TINAG: variants seen among roughly 807,000 people sequenced by gnomAD.
TINAG encodes tubulointerstitial nephritis antigen.
In TINAG, 83 loss-of-function variants were observed where a neutral mutation model predicts 72.7. That is an observed-to-expected ratio of 1.14 (90% confidence interval 0.96 to 1.37). The LOEUF is 1.37. Among genes scored for constraint, TINAG ranks in the 40% most tolerant of loss-of-function variants. The probability of loss-of-function intolerance (pLI) is 0.00; values close to 1 mark genes in which losing one functional copy is unlikely to be tolerated. For missense variants in TINAG, 685 were observed against 576.6 expected (o/e 1.19, Z -1.93); for synonymous variants, 234 against 189.9 (o/e 1.23, Z -1.91).
chr6:54,347,336 T>A lies in TINAG; in HGVS notation c.749-31T>A, dbSNP rs745929189. 7 of 1,609,010 alleles carry A rather than the reference T, an allele frequency of 4.4e-6. No homozygotes were observed. The South Asian group carries it at 7.7e-5, about 18-fold the overall frequency. On this transcript the variant is annotated intron_variant, in intron 5 of 10. Transcript: ENST00000259782. The stretch of plus-strand genomic sequence containing the variant: ...CTTATTAGAAATACCGTGTATCATT[T>A]CAATATTAATTGATATTCTATTTGA...
In TINAG at chr6:54,351,406, G is replaced by A. The variant is rs767377037; in HGVS notation, c.1126+9G>A. The A allele has an allele frequency of 3.1e-6, 5 of 1,609,086 alleles. No homozygotes were observed. Among genetic ancestry groups the A allele is most frequent in the Non-Finnish European group, 4.2e-6 (5 of 1,177,082 alleles). On this transcript the variant is annotated intron_variant, in intron 8 of 10. Transcript: ENST00000259782. ...AAATGGACCAGTTCAAGGTAAGCTT[G>A]AATGAAATACGGTTTTTTCTTACTC... is the stretch of plus-strand genomic sequence containing the variant.
intron 9 of TINAG, among the ~76,000 whole-genome samples, chr6:54,375,067 A>G (rs573797017): frequency 3.3e-5 from 5 of 152,116 alleles, no homozygotes; most frequent in Non-Finnish European, 7.4e-5. Flanking sequence ...TGATTCTGCT[A>G]CAGTGTAATA....
intron 5 of TINAG, 69 bp downstream of exon 5, chr6:54,343,418 T>C: frequency 1.5e-6 from 2 of 1,308,592 alleles, no homozygotes; most frequent in Non-Finnish European, 2.0e-6. Flanking sequence ...AGAGAATAAT[T>C]GAACAATTTT....
At chr6:54,365,640 A>C (rs1763384908) in intron 9 of TINAG, 1 of 151,602 alleles carries the variant, frequency 6.6e-6, no homozygotes, top group Non-Finnish European at 1.5e-5. Context: ...CAATGGCTCC[A>C]CCCAAATGCA....
intron 8 of TINAG, among the ~76,000 whole-genome samples, chr6:54,353,008 T>A (rs558001326): frequency 6.6e-6 from 1 of 151,936 alleles, no homozygotes; most frequent in South Asian, 2.1e-4. Flanking sequence ...ACCAAACATC[T>A]CATCCGTGTT....
intron 8 of TINAG, among the ~76,000 whole-genome samples, chr6:54,352,080 T>C (rs530733814): frequency 1.4e-4 from 21 of 151,986 alleles, no homozygotes; most frequent in African/African-American, 5.1e-4. Context: ...CAGAATGTAT[T>C]CCCTGTATAA....
chr6:54,354,540 T>C lies in TINAG; in HGVS notation c.1154T>C (p.Phe385Ser). The C allele has an allele frequency of 6.2e-7, 1 of 1,607,030 alleles. No homozygotes were observed. The highest frequency in any genetic ancestry group is 1.1e-5 in the South Asian group (1 of 90,036). The change falls in exon 9 of 11, where the codon TTC becomes TCC. Residue 385 changes from phenylalanine (F) to serine (S), a missense_variant. By Grantham distance (155) the Phe-to-Ser change is radical. Coordinates refer to ENST00000259782, the MANE Select transcript of TINAG (RefSeq NM_014464.4). The stretch of plus-strand genomic sequence containing the variant: ...ATAATGCAAGTCCGTGAAGATTTCT[T>C]CCATTATAAGACAGGGATATACAGA... ...QAIMQVREDF[F>S]HYKTGIYRHV...
chr6:54,372,778 A>ACT (rs150816839), intron 9 of TINAG, among the ~76,000 whole-genome samples: 1 of 147,088 alleles, frequency 6.8e-6, no homozygotes, highest in African/African-American at 2.5e-5. Context: ...ATATACACAC[A>ACT]CACACACATA....
At chr6:54,350,539 T>A (rs1202557809) in intron 7 of TINAG, among the ~76,000 whole-genome samples, 1 of 151,232 alleles carries the variant, frequency 6.6e-6, no homozygotes, top group Non-Finnish European at 1.5e-5. Flanking sequence ...CCAGCCATAA[T>A]GCTCCTAATA....
chr6:54,372,738 AT>A, intron 9 of TINAG, among the ~76,000 whole-genome samples: 1 of 5,350 alleles, frequency 1.9e-4, no homozygotes, highest in South Asian at 4.3e-3. Flanking sequence ...ATATATATAT[AT>A]ATATATATAT....
At chr6:54,349,551 TA>T (rs1375014320) in intron 6 of TINAG, among the ~76,000 whole-genome samples, 164 bp from the exon 7 acceptor site, 1 of 151,968 alleles carries the variant, frequency 6.6e-6, no homozygotes, top group Non-Finnish European at 1.5e-5. Context: ...GGGAAGAGTG[TA>T]ATGTCATTGA....
At position 54,359,047 on chromosome 6, in the gene TINAG, T is replaced by A. The variant is rs566432928; in HGVS notation, c.1250+4411T>A. Among the ~76,000 whole-genome samples the A allele has an allele frequency of 1.1e-4, 16 of 151,898 alleles. No individual in the cohort carries two copies. In the South Asian group the frequency reaches 3.1e-3, roughly 30 times the overall value. On this transcript the variant is annotated intron_variant, in intron 9 of 10. Coordinates refer to ENST00000259782, the MANE Select transcript of TINAG (RefSeq NM_014464.4). ...TTTTTCTTCGGTACAGAACAAAAGG[T>A]TTTTTTGTTATTCAACAAAGTTGTG...
chr6:54,333,462 T>C (rs114479117), intron 4 of TINAG, among the ~76,000 whole-genome samples: 1 of 150,786 alleles, frequency 6.6e-6, no homozygotes, highest in African/African-American at 2.4e-5. Flanking sequence ...CACTGGGGCC[T>C]GTCGGGGGAT....
chr6:54,354,125 A>G (rs760201461), intron 8 of TINAG, among the ~76,000 whole-genome samples: 2 of 151,860 alleles, frequency 1.3e-5, no homozygotes, highest in African/African-American at 4.8e-5. Flanking sequence ...TCAGTTTGCT[A>G]GGCTCTGCTA....
At chr6:54,345,122 A>T (rs1011171418) in intron 5 of TINAG, among the ~76,000 whole-genome samples, 1 of 152,120 alleles carries the variant, frequency 6.6e-6, no homozygotes, top group Non-Finnish European at 1.5e-5. Context: ...AGACGGAATA[A>T]AATAAGCAAG....
chr6:54,357,656 T>G (rs1401699260), intron 9 of TINAG, among the ~76,000 whole-genome samples: 1 of 151,932 alleles, frequency 6.6e-6, no homozygotes, highest in Admixed American at 6.6e-5. Context: ...ACAACCTCTT[T>G]TGGCCCTTTC....
intron 9 of TINAG, among the ~76,000 whole-genome samples, chr6:54,379,516 C>T (rs71558874): frequency 0.024 from 3,575 of 152,046 alleles, 49 homozygotes; most frequent in Non-Finnish European, 0.036. Flanking sequence ...AAAAATTCTA[C>T]GTTAGGCACA....
chr6:54,329,228 G>T (rs1003444294), intron 4 of TINAG, among the ~76,000 whole-genome samples: 1 of 152,098 alleles, frequency 6.6e-6, no homozygotes, highest in African/African-American at 2.4e-5. Context: ...CAGATAGAAA[G>T]ATCAGATTAT....
chr6:54,374,290 C>G (rs1421788355), intron 9 of TINAG, among the ~76,000 whole-genome samples: 1 of 152,010 alleles, frequency 6.6e-6, no homozygotes, highest in Non-Finnish European at 1.5e-5. Context: ...ATCATCTGCT[C>G]CTCAACCTGT....
Sources: allele counts gnomAD v4.1 joint callset (sites outside exome capture counted in the v4.1 genomes callset), GRCh38; gene constraint gnomAD v4.1.1; transcripts MANE v1.5; gene names NCBI Gene and HGNC (gene_info 2026-07-23, HGNC 2026-07-21).